GPC5: variants seen among roughly 807,000 people sequenced by gnomAD.
The protein encoded by GPC5 is glypican-5.
Under a neutral mutation model 53.9 loss-of-function variants are expected in GPC5, and 47 were observed. The observed-to-expected ratio is 0.87, with a 90% CI of 0.69 to 1.11. GPC5 has a LOEUF of 1.11. Ranked by LOEUF, GPC5 falls within the 50% of genes most tolerant of loss-of-function variation. The pLI is 0.00. For synonymous variants in GPC5, 286 were observed against 263.3 expected (o/e 1.09, Z -0.84); for missense variants, 748 against 713.1 (o/e 1.05, Z -0.56).
intron 2 of GPC5, among the ~76,000 whole-genome samples, chr13:91,495,961 TG>T (rs1232073177): frequency 6.6e-6 from 1 of 151,902 alleles, no homozygotes; most frequent in Non-Finnish European, 1.5e-5. Flanking sequence ...AGGCAGAGGT[TG>T]CAGTGAGCCG....
intron 6 of GPC5, among the ~76,000 whole-genome samples, chr13:91,934,127 A>G (rs1031668345): frequency 1.3e-5 from 2 of 151,972 alleles, no homozygotes; most frequent in African/African-American, 4.8e-5. Context: ...ACTTTTATGA[A>G]GTGGCTATAA....
chr13:92,518,676 G>A (rs1880893645), intron 7 of GPC5, among the ~76,000 whole-genome samples: 1 of 152,138 alleles, frequency 6.6e-6, no homozygotes, highest in Non-Finnish European at 1.5e-5. Flanking sequence ...GCAAAAACAT[G>A]ACAAATTGTA....
intron 6 of GPC5, among the ~76,000 whole-genome samples, chr13:92,115,813 C>A (rs546567207): frequency 1.3e-5 from 2 of 152,098 alleles, no homozygotes; most frequent in Non-Finnish European, 2.9e-5. Context: ...CACCCCCCAC[C>A]CCCACCGCAA....
chr13:92,537,947 A>G (rs2138997334), intron 7 of GPC5, among the ~76,000 whole-genome samples: 1 of 152,204 alleles, frequency 6.6e-6, no homozygotes, highest in Non-Finnish European at 1.5e-5. Flanking sequence ...GTGGGATTTT[A>G]AGGCTAGAAG....
intron 6 of GPC5, among the ~76,000 whole-genome samples, chr13:92,050,504 G>T (rs1382661604): frequency 6.6e-6 from 1 of 152,262 alleles, no homozygotes; most frequent in East Asian, 1.9e-4. Flanking sequence ...CATGCAAAAA[G>T]ATGTTGAGAT....
chr13:92,802,595 A>G (rs1204314161), intron 7 of GPC5, among the ~76,000 whole-genome samples: 2 of 151,842 alleles, frequency 1.3e-5, no homozygotes, highest in Admixed American at 6.6e-5. Flanking sequence ...TGGCACATAC[A>G]CACCATGGAA....
intron 7 of GPC5, among the ~76,000 whole-genome samples, chr13:92,204,909 C>T (rs1006609314): frequency 6.6e-6 from 1 of 152,128 alleles, no homozygotes; most frequent in Admixed American, 6.6e-5. Context: ...GACAGAGTCT[C>T]GCTCTTTCTC....
At chr13:91,734,452 G>A (rs908134581) in intron 4 of GPC5, among the ~76,000 whole-genome samples, 1 of 151,296 alleles carries the variant, frequency 6.6e-6, no homozygotes, top group Admixed American at 6.6e-5. Flanking sequence ...CCTAAAACTC[G>A]ATTTTCATTT....
At chr13:92,717,205 G>A (rs935135265) in intron 7 of GPC5, among the ~76,000 whole-genome samples, 3 of 151,968 alleles carry the variant, frequency 2.0e-5, no homozygotes, top group Admixed American at 1.3e-4. Context: ...ACATAGCAGT[G>A]CACATTCAAA....
At position 92,353,321 on chromosome 13, in the gene GPC5, G is replaced by GTA. The variant is rs2043496456; in HGVS notation, c.1561+208332_1561+208333insTA. 2.0e-5 allele frequency among the ~76,000 whole-genome samples: 3 copies of GTA among 150,100 alleles called. No individual in the cohort carries two copies. In the East Asian group the frequency reaches 5.9e-4, roughly 29 times the overall value. On this transcript the variant is annotated intron_variant, in intron 7 of 7. Coordinates refer to ENST00000377067, the MANE Select transcript of GPC5 (RefSeq NM_004466.6). Reference sequence around the variant, plus strand: ...CAGTGGGAGACTTGATGAAGTAACTGCCAGATAGTCATACGATGATACGAG... The same window carrying GTA: ...CAGTGGGAGACTTGATGAAGTAACTGTACCAGATAGTCATACGATGATACGAG...
chr13:92,068,641 C>A (rs1025682857), intron 6 of GPC5, among the ~76,000 whole-genome samples: 3 of 151,248 alleles, frequency 2.0e-5, no homozygotes, highest in African/African-American at 7.3e-5. Flanking sequence ...ATTAAATATT[C>A]CATTCTATTC....
At chr13:92,372,024 G>A (rs142222062) in intron 7 of GPC5, among the ~76,000 whole-genome samples, 177 of 152,236 alleles carry the variant, frequency 1.2e-3, no homozygotes, top group Middle Eastern at 3.4e-3. Context: ...AACGGTGACC[G>A]CAGTCCTACA....
At chr13:92,711,890 A>G (rs1179975917) in intron 7 of GPC5, among the ~76,000 whole-genome samples, 1 of 152,010 alleles carries the variant, frequency 6.6e-6, no homozygotes, top group South Asian at 2.1e-4. Context: ...TGAAGATACA[A>G]CATATCAAAA....
At chr13:91,688,009 A>T (rs777929480) in intron 2 of GPC5, among the ~76,000 whole-genome samples, 1 of 152,088 alleles carries the variant, frequency 6.6e-6, no homozygotes, top group African/African-American at 2.4e-5. Context: ...TTTTTGGAGA[A>T]CAGCACATAT....
chr13:92,066,660 T>C (rs1405813189), intron 6 of GPC5, among the ~76,000 whole-genome samples: 3 of 152,092 alleles, frequency 2.0e-5, no homozygotes, highest in Non-Finnish European at 4.4e-5. Flanking sequence ...AAACAAAATG[T>C]GTTTTACTGA....
intron 2 of GPC5, among the ~76,000 whole-genome samples, chr13:91,672,627 T>C (rs1230627434): frequency 6.6e-6 from 1 of 152,234 alleles, no homozygotes; most frequent in Non-Finnish European, 1.5e-5. Flanking sequence ...GCTTTTACAC[T>C]GTTGATGGAA....
At chr13:92,216,100 G>C (rs995782143) in intron 7 of GPC5, among the ~76,000 whole-genome samples, 5 of 152,140 alleles carry the variant, frequency 3.3e-5, no homozygotes, top group Non-Finnish European at 5.9e-5. Flanking sequence ...TCATTCCTGA[G>C]ATACAGACGG....
At chr13:92,402,754 G>A (rs929390009) in intron 7 of GPC5, among the ~76,000 whole-genome samples, 1 of 152,180 alleles carries the variant, frequency 6.6e-6, no homozygotes, top group Non-Finnish European at 1.5e-5. Context: ...TCAGTTAGAA[G>A]CTCTTGACAA....
rs1448865891 is a variant in GPC5, at chr13:92,266,385, A to C, written c.1561+121396A>C. Reference sequence around the variant, plus strand: ...ATTTATCACCTGATTTTCTGGCTAGAGGAAGATGCTCTCTTCTGGAGCTTT... The same window carrying C: ...ATTTATCACCTGATTTTCTGGCTAGCGGAAGATGCTCTCTTCTGGAGCTTT... On this transcript the variant is annotated intron_variant, in intron 7 of 7. Transcript: ENST00000377067. 3.9e-5 allele frequency among the ~76,000 whole-genome samples: 6 copies of C among 152,156 alleles called. No homozygotes were observed. The East Asian group carries it at 1.2e-3, about 29-fold the overall frequency.
Sources: gnomAD v4.1 joint callset for allele counts (sites outside exome capture counted in the v4.1 genomes callset) on GRCh38, gnomAD v4.1.1 for gene constraint, MANE v1.5 for transcripts, NCBI Gene and HGNC (gene_info 2026-07-23, HGNC 2026-07-21) for gene names.